SPATA17: variants seen among roughly 807,000 people sequenced by gnomAD.
SPATA17 encodes spermatogenesis-associated protein 17.
Under a neutral mutation model 62.2 loss-of-function variants are expected in SPATA17, and 53 were observed. The ratio of observed to expected loss-of-function variants is 0.85; its 90% CI spans 0.68 to 1.07. SPATA17 has a LOEUF of 1.07. Ranked by LOEUF, SPATA17 falls within the 50% of genes least tolerant of loss-of-function variation. SPATA17 has a pLI of 0.00. For missense variants in SPATA17, 466 were observed against 425.5 expected, an observed-to-expected ratio of 1.10 and a Z score of -0.84; for synonymous variants, 146 against 146.8, an observed-to-expected ratio of 0.99 and a Z score of 0.04.
At chr1:217,850,263 A>G in intron 9 of SPATA17, 1 of 327,256 alleles carries the variant, frequency 3.1e-6, no homozygotes, top group South Asian at 5.5e-5. Flanking sequence ...TAATGCTACC[A>G]TGCAACAAAA....
intron 9 of SPATA17, among the ~76,000 whole-genome samples, chr1:217,835,033 A>C (rs1675230670): frequency 6.6e-6 from 1 of 152,150 alleles, no homozygotes; most frequent in Non-Finnish European, 1.5e-5. Flanking sequence ...AGCTTAGGAG[A>C]AATAGGCTAT....
At chr1:217,699,197 T>G (rs1415564819) in intron 5 of SPATA17, among the ~76,000 whole-genome samples, 4 of 152,206 alleles carry the variant, frequency 2.6e-5, no homozygotes, top group Non-Finnish European at 5.9e-5. Flanking sequence ...GAGCACACAT[T>G]TCTATTTTTT....
At chr1:217,865,698 G>C (rs995576028) in intron 10 of SPATA17, among the ~76,000 whole-genome samples, 1 of 152,094 alleles carries the variant, frequency 6.6e-6, no homozygotes, top group Non-Finnish European at 1.5e-5. Flanking sequence ...AGAAAAATTA[G>C]CAAGATAAGG....
At chr1:217,815,609 C>T (rs4846442) in intron 9 of SPATA17, among the ~76,000 whole-genome samples, 46,220 of 151,994 alleles carry the variant, frequency 0.3, 7,538 homozygotes, top group African/African-American at 0.4. Context: ...GTCTAGGTGA[C>T]GTTGTGAAGG....
chr1:217,664,638 C>T (rs568147621), intron 3 of SPATA17, among the ~76,000 whole-genome samples: 11 of 151,876 alleles, frequency 7.2e-5, no homozygotes, highest in Non-Finnish European at 1.3e-4. Context: ...GGGAGGGCAA[C>T]AAGGAGAGAT....
At chr1:217,751,910 T>C (rs1274970000) in intron 6 of SPATA17, among the ~76,000 whole-genome samples, 1 of 152,186 alleles carries the variant, frequency 6.6e-6, no homozygotes, top group African/African-American at 2.4e-5. Flanking sequence ...GAAAAACACA[T>C]TATAAACCTC....
intron 5 of SPATA17, among the ~76,000 whole-genome samples, chr1:217,703,153 G>A (rs889615635): frequency 1.2e-4 from 17 of 146,036 alleles, no homozygotes; most frequent in South Asian, 8.6e-4. Flanking sequence ...GGGATTACAG[G>A]CGTGAGCCAT....
intron 9 of SPATA17, among the ~76,000 whole-genome samples, chr1:217,851,222 A>G (rs531809353): frequency 1.5e-4 from 23 of 152,138 alleles, no homozygotes; most frequent in Non-Finnish European, 3.2e-4. Flanking sequence ...ACACTTCTAT[A>G]GAGAAAATGC....
intron 9 of SPATA17, among the ~76,000 whole-genome samples, chr1:217,856,469 A>G (rs1473562907): frequency 6.6e-6 from 1 of 152,194 alleles, no homozygotes; most frequent in Non-Finnish European, 1.5e-5. Context: ...CTCTGAGCAG[A>G]AGTAATAAGA....
chr1:217,669,245 G>A (rs1670781259), intron 4 of SPATA17, among the ~76,000 whole-genome samples, 162 bp downstream of exon 4: 1 of 152,126 alleles, frequency 6.6e-6, no homozygotes, highest in African/African-American at 2.4e-5. Flanking sequence ...AAATAATCTT[G>A]GCAGTATTAA....
At chr1:217,715,216 T>G (rs1226625394) in intron 5 of SPATA17, among the ~76,000 whole-genome samples, 2 of 152,172 alleles carry the variant, frequency 1.3e-5, no homozygotes, top group Admixed American at 1.3e-4. Context: ...TCATCAAATT[T>G]TAAAAAATCT....
chr1:217,741,116 C>A (rs1195437121), intron 5 of SPATA17, among the ~76,000 whole-genome samples: 1 of 152,086 alleles, frequency 6.6e-6, no homozygotes, highest in African/African-American at 2.4e-5. Context: ...ACTTTACTTA[C>A]AGAACTAGAC....
intron 8 of SPATA17, among the ~76,000 whole-genome samples, chr1:217,790,001 CA>C (rs199603456): frequency 0.031 from 4,776 of 152,248 alleles, 106 homozygotes; most frequent in Middle Eastern, 0.058. Context: ...CGCACCACTG[CA>C]ACTCCAGCCT....
At chr1:217,785,839 A>T (rs1473429990) in intron 8 of SPATA17, among the ~76,000 whole-genome samples, 3 of 152,114 alleles carry the variant, frequency 2.0e-5, no homozygotes, top group Non-Finnish European at 4.4e-5. Flanking sequence ...CAAATAGGAC[A>T]ATAATAATAA....
At chr1:217,846,517 A>G (rs1675531616) in intron 9 of SPATA17, among the ~76,000 whole-genome samples, 1 of 152,050 alleles carries the variant, frequency 6.6e-6, no homozygotes, top group Admixed American at 6.6e-5. Flanking sequence ...GCTATGAATT[A>G]CCTGTGGGGG....
chr1:217,737,005 T>C (rs1164801746), intron 5 of SPATA17, among the ~76,000 whole-genome samples: 1 of 152,036 alleles, frequency 6.6e-6, no homozygotes, highest in Non-Finnish European at 1.5e-5. Flanking sequence ...AAAACTAATA[T>C]ATGTAATACA....
intron 9 of SPATA17, among the ~76,000 whole-genome samples, chr1:217,858,252 TCAC>T (rs1361066654): frequency 6.6e-5 from 10 of 152,212 alleles, no homozygotes; most frequent in Admixed American, 3.9e-4. Flanking sequence ...AAGTCCTGTT[TCAC>T]CACATTATTG....
At chr1:217,674,468 G>A (rs1670901376) in intron 4 of SPATA17, among the ~76,000 whole-genome samples, 2 of 152,308 alleles carry the variant, frequency 1.3e-5, no homozygotes, top group Admixed American at 6.5e-5. Context: ...GCTGGCTGCT[G>A]CGACTGCATG....
intron 5 of SPATA17, among the ~76,000 whole-genome samples, chr1:217,710,189 C>G (rs1007662855): frequency 6.6e-6 from 1 of 151,994 alleles, no homozygotes; most frequent in Non-Finnish European, 1.5e-5. Context: ...AAGAGTGGAC[C>G]TATTACAAAG....
Sources: gnomAD v4.1 joint callset for allele counts (sites outside exome capture counted in the v4.1 genomes callset) on GRCh38, gnomAD v4.1.1 for gene constraint, MANE v1.5 for transcripts, NCBI Gene and HGNC (gene_info 2026-07-23, HGNC 2026-07-21) for gene names.